The following FCRL4 variants were observed in gnomAD, a reference collection of about 807,000 sequenced individuals.
The protein encoded by FCRL4 is Fc receptor-like protein 4.
FCRL4 carries 43 observed loss-of-function variants against 64.1 expected under a neutral mutation model. The observed-to-expected ratio is 0.67, with a 90% CI of 0.53 to 0.87. The LOEUF (loss-of-function observed/expected upper bound fraction) is 0.87, where lower values mean the gene tolerates loss of function less well. FCRL4 is among the 40% of genes least tolerant of loss of function. The pLI is 0.00. For missense variants in FCRL4, 656 were observed against 613.5 expected, an observed-to-expected ratio of 1.07 and a Z score of -0.73; for synonymous variants, 253 against 239.8, an observed-to-expected ratio of 1.05 and a Z score of -0.51.
intron 8 of FCRL4, 48 bp from the exon 9 acceptor site, chr1:157,578,900 C>A: frequency 6.8e-7 from 1 of 1,470,316 alleles, no homozygotes; most frequent in East Asian, 2.3e-5. Context: ...CTGTAACATG[C>A]GGGAGAGTGA....
At chr1:157,590,485 A>G (rs945881188) in intron 2 of FCRL4, among the ~76,000 whole-genome samples, 2 of 150,656 alleles carry the variant, frequency 1.3e-5, no homozygotes, top group African/African-American at 4.9e-5. Context: ...GTGTATGTAC[A>G]TAATTAAAAC....
intron 8 of FCRL4, among the ~76,000 whole-genome samples, 155 bp from the exon 9 acceptor site, chr1:157,579,007 A>G (rs1357915891): frequency 2.6e-5 from 4 of 152,226 alleles, no homozygotes; most frequent in South Asian, 2.1e-4. Context: ...CAGAGTTTCA[A>G]TAGGTCTATA....
In FCRL4 at chr1:157,589,241, G is replaced by T. The variant is rs777772564; in HGVS notation, c.270C>A (p.Ser90=). Residue 90 remains serine (S), a synonymous_variant, in exon 3 of 12, where the codon TCC becomes TCA. Coordinates refer to ENST00000271532, the MANE Select transcript of FCRL4 (RefSeq NM_031282.3). ...SGLYRCQARG[S]PRSNPVRLLF... ...GCAAGCGCACAGGGTTACTTCGTGG[G>T]GAGCCCCGGGCCTGGCATCTGTACA... is the stretch of plus-strand genomic sequence containing the variant. 1.2e-6 allele frequency: 2 copies of T among 1,614,140 alleles called. No individual in the cohort carries two copies. The highest frequency in any genetic ancestry group is 2.2e-5 in the South Asian group (2 of 91,074).
chr1:157,587,108 G>T (rs1652718311), intron 5 of FCRL4, among the ~76,000 whole-genome samples, 168 bp downstream of exon 5: 1 of 152,242 alleles, frequency 6.6e-6, no homozygotes, highest in Admixed American at 6.5e-5. Flanking sequence ...GGAAAATGGA[G>T]GTAGAAAAGA....
At chr1:157,592,178 A>C (rs564593902) in intron 2 of FCRL4, among the ~76,000 whole-genome samples, 12 of 152,340 alleles carry the variant, frequency 7.9e-5, no homozygotes, top group African/African-American at 2.4e-4. Context: ...TTCAGGACAT[A>C]GGCATGGGCA....
intron 6 of FCRL4, among the ~76,000 whole-genome samples, chr1:157,582,412 C>T: frequency 6.6e-6 from 1 of 152,068 alleles, no homozygotes; most frequent in East Asian, 1.9e-4. Flanking sequence ...AAGCCATAAA[C>T]AAATAAATAA....
chr1:157,581,730 C>A (rs2101677589), intron 6 of FCRL4, 86 bp from the exon 7 acceptor site: 1 of 1,034,748 alleles, frequency 9.7e-7, no homozygotes, highest in Non-Finnish European at 1.4e-6. Context: ...GGTAACGAGC[C>A]CTGGAAGAGA....
intron 5 of FCRL4, 93 bp downstream of exon 5, chr1:157,587,183 T>C: frequency 7.0e-7 from 1 of 1,434,820 alleles, no homozygotes; most frequent in Non-Finnish European, 9.5e-7. Context: ...TCTGTCAGGA[T>C]GATAAAACCC....
At chr1:157,587,251 A>G (rs748875160) in intron 5 of FCRL4, 25 bp downstream of exon 5, 4 of 1,607,118 alleles carry the variant, frequency 2.5e-6, no homozygotes, top group Non-Finnish European at 3.4e-6. Flanking sequence ...GAGGCAGGGA[A>G]GATGCCTGGC....
Position 157,592,440 on chromosome 1 carries a change from C to G in FCRL4, c.53-2982G>C, listed in dbSNP as rs747755131. Reference sequence around the variant, plus strand: ...AGTGGGCAAAGGATATGAACAGACACGTCTCAAAAGAAGACATTTATGTAG... The same window carrying G: ...AGTGGGCAAAGGATATGAACAGACAGGTCTCAAAAGAAGACATTTATGTAG... On this transcript the variant is annotated intron_variant, in intron 2 of 11. Coordinates refer to ENST00000271532, the MANE Select transcript of FCRL4 (RefSeq NM_031282.3). 3.9e-5 allele frequency among the ~76,000 whole-genome samples: 6 copies of G among 152,122 alleles called. 1 individual carries two copies. Among genetic ancestry groups the G allele is most frequent in the African/African-American group, 1.4e-4 (6 of 41,430 alleles).
Position 157,594,423 on chromosome 1 carries a change from T to C in FCRL4, c.52+1905A>G, listed in dbSNP as rs72996991. Among the ~76,000 whole-genome samples the C allele has an allele frequency of 6.3e-3, 955 of 152,320 alleles. 10 individuals carry two copies. The highest frequency in any genetic ancestry group is 0.022 in the African/African-American group (915 of 41,554). On this transcript the variant is annotated intron_variant, in intron 2 of 11. Coordinates refer to ENST00000271532, the MANE Select transcript of FCRL4 (RefSeq NM_031282.3). ...CCATTTTCTGCCTTGAACAAAGTCA[T>C]GATGCCTGGAGCTGTGGCAGCTACC...
At chr1:157,597,881 G>T in intron 1 of FCRL4, 33 bp downstream of exon 1, 1 of 1,603,100 alleles carries the variant, frequency 6.2e-7, no homozygotes, top group East Asian at 2.2e-5. Flanking sequence ...GCTCAGCTTT[G>T]CAGCAAGCAA....
intron 2 of FCRL4, among the ~76,000 whole-genome samples, chr1:157,591,065 T>C (rs912932602): frequency 1.3e-5 from 2 of 152,160 alleles, no homozygotes; most frequent in African/African-American, 4.8e-5. Context: ...AGAGGGGGAA[T>C]GTAGGTAACT....
intron 1 of FCRL4, among the ~76,000 whole-genome samples, chr1:157,597,115 T>G (rs1440713057): frequency 6.6e-6 from 1 of 152,166 alleles, no homozygotes; most frequent in African/African-American, 2.4e-5. Flanking sequence ...GAGGTTCTAT[T>G]GAGAATGTCA....
intron 3 of FCRL4, among the ~76,000 whole-genome samples, chr1:157,588,551 C>G (rs1324666147): frequency 1.3e-5 from 2 of 152,214 alleles, no homozygotes; most frequent in Non-Finnish European, 2.9e-5. Flanking sequence ...GAGACACAGT[C>G]TAGGTTGAAG....
chr1:157,597,959 G>A lies in FCRL4; in HGVS notation c.-15C>T, dbSNP rs1653004841. On this transcript the variant is annotated 5_prime_UTR_variant, in exon 1 of 12. Coordinates refer to ENST00000271532, the MANE Select transcript of FCRL4 (RefSeq NM_031282.3). ...CACAGCAGCATGGAAGCCTGCTCCA[G>A]GATTGGAGAAGGAGTTCTGAGGAGA... is the stretch of plus-strand genomic sequence containing the variant. 2 of 1,611,778 alleles carry A rather than the reference G, an allele frequency of 1.2e-6. No individual in the cohort carries two copies. The highest frequency in any genetic ancestry group is 2.2e-5 in the South Asian group (2 of 90,732).
intron 8 of FCRL4, among the ~76,000 whole-genome samples, chr1:157,579,206 C>T (rs962356449): frequency 6.6e-6 from 1 of 151,988 alleles, no homozygotes. Context: ...TGTCTCTACA[C>T]AGAATAAAAT....
In FCRL4 at chr1:157,575,141, G is replaced by T; in HGVS notation, c.*383C>A. On this transcript the variant is annotated 3_prime_UTR_variant, in exon 12 of 12. Coordinates refer to ENST00000271532, the MANE Select transcript of FCRL4 (RefSeq NM_031282.3). ...GTAGATGTATTAAGCAGAGATCCAG[G>T]TCACCCAGTCTTTTTCATCTCTGCA... is the stretch of plus-strand genomic sequence containing the variant. 3.0e-6 allele frequency: 1 copy of T among 331,432 alleles called. No individual in the cohort carries two copies. Among genetic ancestry groups the T allele is most frequent in the Non-Finnish European group, 5.6e-6 (1 of 177,730 alleles). 20.5% of individuals were successfully genotyped at this position (331,432 alleles called of 1,614,324 possible). A position where few individuals can be genotyped will look rare whatever the true frequency, so the allele number is the denominator to read the frequency against.
chr1:157,578,572 TC>T, intron 9 of FCRL4, 30 bp from the exon 10 acceptor site: 1 of 1,590,352 alleles, frequency 6.3e-7, no homozygotes, highest in Non-Finnish European at 8.6e-7. Flanking sequence ...TCAAGGCTGT[TC>T]CTGTTAGTAT....
Sources: allele counts gnomAD v4.1 joint callset (sites outside exome capture counted in the v4.1 genomes callset), GRCh38; gene constraint gnomAD v4.1.1; transcripts MANE v1.5; gene names NCBI Gene and HGNC (gene_info 2026-07-23, HGNC 2026-07-21).